The following SEPTIN5 variants were observed in gnomAD, a reference collection of about 807,000 sequenced individuals.
SEPTIN5 encodes septin-5.
In SEPTIN5, 16 loss-of-function variants were observed where a neutral mutation model predicts 51.2. The ratio of observed to expected loss-of-function variants is 0.31; its 90% CI spans 0.21 to 0.47. SEPTIN5 has a LOEUF of 0.47. SEPTIN5 is among the 20% of genes least tolerant of loss of function. The pLI, the probability that SEPTIN5 is intolerant of heterozygous loss-of-function variation, is 0.99. For synonymous variants in SEPTIN5, 208 were observed against 191.2 expected, an observed-to-expected ratio of 1.09 and a Z score of -0.72; for missense variants, 376 against 500.3, an observed-to-expected ratio of 0.75 and a Z score of 2.37.
intron 11 of SEPTIN5, 27 bp from the exon 12 acceptor site, chr22:19,722,401 C>G (rs763807650): frequency 1.9e-6 from 3 of 1,593,918 alleles, no homozygotes; most frequent in Admixed American, 1.7e-5. Flanking sequence ...CGGTGCTGCT[C>G]ACCCGCCGGG....
chr22:19,720,754 T>G lies in SEPTIN5; in HGVS notation c.616-14T>G, dbSNP rs764357871. The stretch of plus-strand genomic sequence containing the variant: ...TGTCTGGCCTCAAATCTGATGGTCC[T>G]TGCCCCACCACAGATCCGGGAGGAG... On this transcript the variant is annotated splice_polypyrimidine_tract_variant and intron_variant, in intron 7 of 11. Transcript: ENST00000455784. 6 of 1,612,804 alleles carry G rather than the reference T, an allele frequency of 3.7e-6. No individual in the cohort carries two copies. Among genetic ancestry groups the G allele is most frequent in the Non-Finnish European group, 5.1e-6 (6 of 1,179,474 alleles).
Position 19,720,110 on chromosome 22 carries a change from C to A in SEPTIN5, c.239-5C>A. On this transcript the variant is annotated splice_region_variant and splice_polypyrimidine_tract_variant and intron_variant, in intron 4 of 11. Coordinates refer to ENST00000455784, the MANE Select transcript of SEPTIN5 (RefSeq NM_002688.6). ...GAGGCCCTTCCAGTGGCCCCTTCCC[C>A]GTAGAGCGCATCAGCCAGACGGTAG... 6.2e-7 allele frequency: 1 copy of A among 1,612,966 alleles called. No homozygotes were observed.
Position 19,721,748 on chromosome 22 carries a change from C to A in SEPTIN5, c.814+12C>A. ...GGGGATCGTGGAGGGTGAGTAGAGT[C>A]TTGGGGTACCAGGTCTGGTGGGGGA... On this transcript the variant is annotated intron_variant, in intron 9 of 11. Transcript: ENST00000455784. The A allele has an allele frequency of 6.2e-7, 1 of 1,603,346 alleles. No individual in the cohort carries two copies.
chr22:19,721,528 G>A, intron 8 of SEPTIN5, 112 bp from the exon 9 acceptor site: 1 of 1,148,756 alleles, frequency 8.7e-7, no homozygotes, highest in Middle Eastern at 2.0e-4. Context: ...TTTGAGGAGA[G>A]ATAGTTGATG....
chr22:19,717,097 TCCAGGC>T (rs1935921384), intron 2 of SEPTIN5: 18 of 324,870 alleles, frequency 5.5e-5, no homozygotes, highest in South Asian at 3.7e-4. Context: ...GTGCCAGTGG[TCCAGGC>T]CCCACAACAG....
intron 2 of SEPTIN5, among the ~76,000 whole-genome samples, chr22:19,715,541 G>C (rs374207837): frequency 2.6e-5 from 4 of 152,210 alleles, no homozygotes; most frequent in Non-Finnish European, 2.9e-5. Context: ...GGGCTGGGGG[G>C]GCTGGGGAAA....
chr22:19,720,678 G>C lies in SEPTIN5; in HGVS notation c.615+12G>C, dbSNP rs756894356. 5 of 1,612,884 alleles carry C rather than the reference G, an allele frequency of 3.1e-6. No individual in the cohort carries two copies. The highest frequency in any genetic ancestry group is 4.2e-6 in the Non-Finnish European group (5 of 1,179,954). ...AGCTGAAGGAGCGGGTGAGCCTGCC[G>C]TCGCACAGGGGCCTGGCCAGGGCCC... On this transcript the variant is annotated intron_variant, in intron 7 of 11. Coordinates refer to ENST00000455784, the MANE Select transcript of SEPTIN5 (RefSeq NM_002688.6).
intron 11 of SEPTIN5, 37 bp downstream of exon 11, chr22:19,722,376 A>G: frequency 6.3e-7 from 1 of 1,595,464 alleles, no homozygotes; most frequent in Non-Finnish European, 8.5e-7. Context: ...GGCGGGCGTC[A>G]GGGATGCTCC....
chr22:19,719,937 T>A, intron 4 of SEPTIN5, 45 bp downstream of exon 4: 1 of 1,605,028 alleles, frequency 6.2e-7, no homozygotes, highest in East Asian at 2.2e-5. Context: ...CCAGTCCCCT[T>A]CCATGGGACC....
chr22:19,720,745 T>C, intron 7 of SEPTIN5, 23 bp from the exon 8 acceptor site: 1 of 1,612,596 alleles, frequency 6.2e-7, no homozygotes, highest in Non-Finnish European at 8.5e-7. Flanking sequence ...GCCTCAAATC[T>C]GATGGTCCTT....
At chr22:19,718,681 G>T in intron 2 of SEPTIN5, 1 of 1,281,490 alleles carries the variant, frequency 7.8e-7, no homozygotes, top group Non-Finnish European at 9.9e-7. Flanking sequence ...CCGGGCTCTG[G>T]CGGCCTGACC....
Position 19,719,412 on chromosome 22 carries a change from G to T in SEPTIN5, c.55-190G>T. 7.0e-6 allele frequency: 4 copies of T among 575,340 alleles called. No homozygotes were observed. In the East Asian group the frequency reaches 8.7e-5, roughly 12 times the overall value. The allele number at this position is 575,340 out of a possible 1,614,324, so 35.6% of individuals were successfully genotyped here. A position where few individuals can be genotyped will look rare whatever the true frequency, so the allele number is the denominator to read the frequency against. On this transcript the variant is annotated intron_variant, in intron 2 of 11. Coordinates refer to ENST00000455784, the MANE Select transcript of SEPTIN5 (RefSeq NM_002688.6). ...ATTGGGGCCAGGGGTGCCTTCTCCT[G>T]CCACCACCTCGCCTGCCTTCTTATC...
At chr22:19,718,704 C>T in intron 2 of SEPTIN5, 1 of 1,261,534 alleles carries the variant, frequency 7.9e-7, no homozygotes, top group Non-Finnish European at 1.0e-6. Flanking sequence ...GCCTGGGGTC[C>T]GAGCGTGCCC....
At position 19,714,917 on chromosome 22, in the gene SEPTIN5, AC is replaced by A; in HGVS notation, c.54+128del. 2.4e-6 allele frequency: 3 copies of A among 1,254,490 alleles called. No individual in the cohort carries two copies. The highest frequency in any genetic ancestry group is 2.2e-6 in the Non-Finnish European group (2 of 929,262). 77.7% of individuals were successfully genotyped at this position (1,254,490 alleles called of 1,614,324 possible). On this transcript the variant is annotated intron_variant, in intron 2 of 11. Coordinates refer to ENST00000455784, the MANE Select transcript of SEPTIN5 (RefSeq NM_002688.6). This position sits in a 1 kb window ranked among gnomAD's most constrained non-coding sequence, Gnocchi z 5.2. Reference sequence around the variant, plus strand: ...GCCCTCACCCAGCCCTGTCGCGATCACCGATTGTCAGCCGGGCAGTGCCGCC... The same window carrying A: ...GCCCTCACCCAGCCCTGTCGCGATCACGATTGTCAGCCGGGCAGTGCCGCC...
intron 2 of SEPTIN5, chr22:19,718,731 C>A: frequency 8.0e-7 from 1 of 1,243,722 alleles, no homozygotes; most frequent in Non-Finnish European, 1.0e-6. Flanking sequence ...CTGGGGGGGT[C>A]GCCGCGATGG....
Position 19,720,577 on chromosome 22 carries a change from A to G in SEPTIN5, c.526A>G (p.Lys176Glu). Residue 176 changes from lysine (K) to glutamate (E), a missense_variant, in exon 7 of 12, where the codon AAG (lysine) becomes GAG (glutamate). Physicochemically the swap from Lys to Glu is moderately conservative, Grantham distance 56 (BLOSUM62 1). Coordinates refer to ENST00000455784, the MANE Select transcript of SEPTIN5 (RefSeq NM_002688.6). Reference sequence around the variant, plus strand: ...GCGGCCAGTGGATGTGGGTTTCATGAAGGCATTGCATGAGAAGGTCAACAT... The same window carrying G: ...GCGGCCAGTGGATGTGGGTTTCATGGAGGCATTGCATGAGAAGGTCAACAT... ...GLRPVDVGFM[K>E]ALHEKVNIVP... is the part of the protein sequence containing the mutation. 6.2e-7 allele frequency: 1 copy of G among 1,612,986 alleles called. No homozygotes were observed. Among genetic ancestry groups the G allele is most frequent in the Non-Finnish European group, 8.5e-7 (1 of 1,180,006 alleles).
At position 19,720,371 on chromosome 22, in the gene SEPTIN5, T is replaced by G. The variant is rs1256599607; in HGVS notation, c.414T>G (p.Arg138=). The G allele has an allele frequency of 1.2e-6, 2 of 1,613,960 alleles. No homozygotes were observed. Among genetic ancestry groups the G allele is most frequent in the East Asian group, 2.2e-5 (1 of 44,882 alleles). Residue 138 remains arginine (R), a synonymous_variant, in exon 6 of 12, where the codon CGT becomes CGG. Transcript: ENST00000455784. ...ACCAGCAGTTTGAGCAGTACTTCCG[T>G]GATGAGAGCGGCCTCAACCGAAAGA... is the stretch of plus-strand genomic sequence containing the variant. The part of the protein sequence containing the change: ...YVDQQFEQYF[R]DESGLNRKNI...
chr22:19,715,283 G>A (rs973643480), intron 2 of SEPTIN5, among the ~76,000 whole-genome samples: 1 of 152,254 alleles, frequency 6.6e-6, no homozygotes, highest in African/African-American at 2.4e-5. Context: ...GTTCAGGTCT[G>A]CAACAGGGAC....
intron 2 of SEPTIN5, chr22:19,717,210 A>G (rs1935923930): frequency 2.3e-6 from 1 of 437,198 alleles, no homozygotes. Context: ...TGGGGCCTCC[A>G]GCTTCTAATG....
Sources: allele counts gnomAD v4.1 joint callset (sites outside exome capture counted in the v4.1 genomes callset), GRCh38; gene constraint gnomAD v4.1.1; non-coding constraint Gnocchi (gnomAD v3.1); transcripts MANE v1.5; gene names NCBI Gene and HGNC (gene_info 2026-07-23, HGNC 2026-07-21).